Variants in KCNIP4 observed in about 807,000 individuals in gnomAD.
KCNIP4 encodes Kv channel-interacting protein 4.
KCNIP4 carries 12 observed loss-of-function variants against 34.0 expected under a neutral mutation model. The ratio of observed to expected loss-of-function variants is 0.35; its 90% CI spans 0.23 to 0.57. The LOEUF (loss-of-function observed/expected upper bound fraction) is 0.57. KCNIP4 is among the 20% of genes least tolerant of loss of function. KCNIP4 has a pLI of 0.83. For missense variants in KCNIP4, 238 were observed against 311.7 expected (o/e 0.76, Z 1.78); for synonymous variants, 124 against 102.2 (o/e 1.21, Z -1.29).
intron 1 of KCNIP4, among the ~76,000 whole-genome samples, chr4:21,821,667 T>A (rs1434755811): frequency 1.3e-5 from 2 of 152,132 alleles, no homozygotes; most frequent in African/African-American, 4.8e-5. Flanking sequence ...GTAACTCAAT[T>A]TCAGGCTTTC....
intron 1 of KCNIP4, among the ~76,000 whole-genome samples, chr4:21,643,080 A>T (rs1746730837): frequency 6.6e-6 from 1 of 152,204 alleles, no homozygotes; most frequent in Non-Finnish European, 1.5e-5. Context: ...AGTTACAGCG[A>T]TGTAACCAGT....
At chr4:21,573,421 T>C (rs1740502562) in intron 1 of KCNIP4, among the ~76,000 whole-genome samples, 1 of 152,156 alleles carries the variant, frequency 6.6e-6, no homozygotes, top group African/African-American at 2.4e-5. Context: ...TCTTTATTTA[T>C]CTTGTATTTG....
chr4:21,898,542 AG>A (rs1204469229), intron 1 of KCNIP4, among the ~76,000 whole-genome samples: 4 of 152,124 alleles, frequency 2.6e-5, no homozygotes, highest in African/African-American at 9.7e-5. Context: ...CTAGGCCAGA[AG>A]GGAACCCACT....
chr4:21,344,028 G>A (rs775592327), intron 1 of KCNIP4, among the ~76,000 whole-genome samples: 5 of 152,040 alleles, frequency 3.3e-5, no homozygotes, highest in Admixed American at 6.6e-5. Context: ...CATCACATAG[G>A]AGTATGACTG....
intron 3 of KCNIP4, among the ~76,000 whole-genome samples, chr4:20,771,916 C>G (rs1292893977): frequency 6.6e-6 from 1 of 152,126 alleles, no homozygotes; most frequent in East Asian, 1.9e-4. Flanking sequence ...GTGATCCAGC[C>G]AGCTTGGCCT....
At chr4:20,744,295 A>G (rs560365980) in intron 5 of KCNIP4, among the ~76,000 whole-genome samples, 63 of 152,352 alleles carry the variant, frequency 4.1e-4, no homozygotes, top group African/African-American at 1.4e-3. Flanking sequence ...TGCTGCTTTA[A>G]AGACACATGC....
chr4:20,775,419 G>A (rs890658268), intron 3 of KCNIP4, among the ~76,000 whole-genome samples: 5 of 151,794 alleles, frequency 3.3e-5, no homozygotes, highest in Non-Finnish European at 7.4e-5. Flanking sequence ...AACGAGTCCA[G>A]GCCAGACACA....
intron 4 of KCNIP4, among the ~76,000 whole-genome samples, chr4:20,752,075 T>TTTTTTTTTTA (rs1753751036): frequency 6.6e-6 from 1 of 151,164 alleles, no homozygotes; most frequent in East Asian, 1.9e-4. Flanking sequence ...TTTTTTTTTT[T>TTTTTTTTTTA]GAGACAAAGT....
intron 3 of KCNIP4, among the ~76,000 whole-genome samples, chr4:20,832,920 C>G (rs1008330871): frequency 6.6e-6 from 1 of 152,106 alleles, no homozygotes; most frequent in Non-Finnish European, 1.5e-5. Context: ...GTTTTAAAGG[C>G]ATGCTTTCTT....
At chr4:21,654,494 AATG>A (rs1444765664) in intron 1 of KCNIP4, among the ~76,000 whole-genome samples, 1 of 149,902 alleles carries the variant, frequency 6.7e-6, no homozygotes, top group African/African-American at 2.5e-5. Context: ...CCTTGATTAA[AATG>A]TTTTTTTTTT....
At chr4:21,366,052 T>G (rs1719735338) in intron 1 of KCNIP4, among the ~76,000 whole-genome samples, 1 of 152,206 alleles carries the variant, frequency 6.6e-6, no homozygotes. Context: ...ATAGATAGTG[T>G]TTTGATATAA....
chr4:21,882,571 G>A (rs1560785206), intron 1 of KCNIP4, among the ~76,000 whole-genome samples: 1 of 152,116 alleles, frequency 6.6e-6, no homozygotes, highest in Non-Finnish European at 1.5e-5. Flanking sequence ...ATGGGCAGAG[G>A]AAAAGCTTGC....
rs915769147 is a variant in KCNIP4, at chr4:20,729,075, G to C, written c.*1007C>G. ...ATTTTGCTTGCTAATTTTGCTTGCT[G>C]TTTGTTCTTAGTAGACAGTGGGGTA... On this transcript the variant is annotated 3_prime_UTR_variant, in exon 9 of 9. Transcript: ENST00000382152. The C allele has an allele frequency of 1.3e-5, 2 of 151,026 alleles. No homozygotes were observed. The highest frequency in any genetic ancestry group is 3.0e-5 in the Non-Finnish European group (2 of 67,772). The allele number at this position is 151,026 out of a possible 1,614,324, so 9.4% of individuals were successfully genotyped here. A position where few individuals can be genotyped will look rare whatever the true frequency, so the allele number is the denominator to read the frequency against.
At chr4:21,380,015 C>T (rs1001880277) in intron 1 of KCNIP4, among the ~76,000 whole-genome samples, 2 of 152,098 alleles carry the variant, frequency 1.3e-5, no homozygotes, top group African/African-American at 4.8e-5. Context: ...AATTTTCTTA[C>T]ATATGTAATC....
chr4:20,857,007 TA>T (rs1361274144), intron 2 of KCNIP4, among the ~76,000 whole-genome samples: 3 of 150,760 alleles, frequency 2.0e-5, no homozygotes, highest in African/African-American at 7.3e-5. Flanking sequence ...TCAGTATAAT[TA>T]AGTGTGCGTG....
chr4:21,524,677 T>G (rs1735823194), intron 1 of KCNIP4, among the ~76,000 whole-genome samples: 3 of 152,182 alleles, frequency 2.0e-5, no homozygotes, highest in African/African-American at 7.2e-5. Context: ...TTCCCTTCCA[T>G]ACCATCTAAT....
chr4:21,728,095 C>T (rs1332996130), intron 1 of KCNIP4, among the ~76,000 whole-genome samples: 1 of 152,112 alleles, frequency 6.6e-6, no homozygotes, highest in Admixed American at 6.6e-5. Context: ...CACCTGCTTT[C>T]CAGGTAATTC....
At chr4:20,891,963 T>G (rs1439871857) in intron 1 of KCNIP4, among the ~76,000 whole-genome samples, 1 of 152,180 alleles carries the variant, frequency 6.6e-6, no homozygotes, top group South Asian at 2.1e-4. Context: ...CTGAAGATAC[T>G]AGGCCCCAGA....
intron 1 of KCNIP4, among the ~76,000 whole-genome samples, chr4:21,367,533 C>G (rs1318633928): frequency 7.6e-6 from 1 of 131,048 alleles, no homozygotes; most frequent in African/African-American, 4.4e-5. Flanking sequence ...AAGGCTGGGT[C>G]AGGATATTTA....
Sources: gnomAD v4.1 joint callset for allele counts (sites outside exome capture counted in the v4.1 genomes callset) on GRCh38, gnomAD v4.1.1 for gene constraint, MANE v1.5 for transcripts, NCBI Gene and HGNC (gene_info 2026-07-23, HGNC 2026-07-21) for gene names.